CDH7: variants seen among roughly 807,000 people sequenced by gnomAD.
CDH7 encodes cadherin-7.
CDH7 carries 25 observed loss-of-function variants against 71.8 expected under a neutral mutation model. That is an observed-to-expected ratio of 0.35 (90% confidence interval 0.25 to 0.49). The LOEUF (loss-of-function observed/expected upper bound fraction) is 0.49. Among genes scored for constraint, CDH7 ranks in the 20% least tolerant of loss-of-function variants. The pLI, the probability that CDH7 is intolerant of heterozygous loss-of-function variation, is 0.99. For missense variants in CDH7, 862 were observed against 974.6 expected, an observed-to-expected ratio of 0.88 and a Z score of 1.54; for synonymous variants, 381 against 363.8, an observed-to-expected ratio of 1.05 and a Z score of -0.54.
chr18:65,822,243 C>T lies in CDH7; in HGVS notation c.788C>T (p.Pro263Leu). 6.2e-7 allele frequency: 1 copy of T among 1,606,114 alleles called. No homozygotes were observed. The highest frequency in any genetic ancestry group is 2.2e-5 in the East Asian group (1 of 44,658). Reference protein sequence around the residue: ...TDVNDNPPRFPRRSYQYNVPE... With the variant: ...TDVNDNPPRFLRRSYQYNVPE... ...GTCAACGATAATCCACCTCGCTTTCCTCGAAGTAAGTTGTTTTCTTAAGTG... is the reference window on the plus strand; with the variant it reads ...GTCAACGATAATCCACCTCGCTTTCTTCGAAGTAAGTTGTTTTCTTAAGTG... The change falls in exon 5 of 12, where the codon CCT (proline) becomes CTT (leucine). Residue 263 changes from proline to leucine, a missense_variant. By Grantham distance (98) the Pro-to-Leu change is moderately conservative. Coordinates refer to ENST00000397968, the MANE Select transcript of CDH7 (RefSeq NM_004361.5).
Position 65,762,945 on chromosome 18 carries a change from A to G in CDH7, c.103A>G (p.Lys35Glu), listed in dbSNP as rs1439070103. The change falls in exon 2 of 12, where the codon AAG becomes GAG. Residue 35 changes from lysine to glutamate, a missense_variant. Lys to Glu is a moderately conservative substitution (Grantham distance 56). Transcript: ENST00000397968. ...AGCAGAACTCTCAAGGTCCAGATCA[A>G]AGCCCTATTTCCAATCAGGGAGGTC... is the stretch of plus-strand genomic sequence containing the variant. ...SQAELSRSRS[K>E]PYFQSGRSRT... is the part of the protein sequence containing the mutation. The G allele has an allele frequency of 6.2e-7, 1 of 1,613,620 alleles. No homozygotes were observed. Among genetic ancestry groups the G allele is most frequent in the Admixed American group, 1.7e-5 (1 of 59,978 alleles).
chr18:65,771,024 T>G (rs192206526), intron 2 of CDH7, among the ~76,000 whole-genome samples: 2 of 152,328 alleles, frequency 1.3e-5, no homozygotes, highest in East Asian at 3.9e-4. Context: ...CAGCACAGCC[T>G]TCTCCATGTC....
intron 2 of CDH7, among the ~76,000 whole-genome samples, chr18:65,767,675 G>T (rs1411481554): frequency 1.3e-5 from 2 of 152,084 alleles, no homozygotes; most frequent in African/African-American, 2.4e-5. Flanking sequence ...AAAGGCATTT[G>T]TTCTCTGTCA....
chr18:65,785,763 G>C (rs1910490899), intron 2 of CDH7, among the ~76,000 whole-genome samples: 1 of 152,030 alleles, frequency 6.6e-6, no homozygotes, highest in South Asian at 2.1e-4. Context: ...CAAATAAAAA[G>C]CATGAAAATT....
intron 10 of CDH7, 110 bp downstream of exon 10, chr18:65,859,935 A>G (rs1913505165): frequency 6.0e-6 from 4 of 665,146 alleles, no homozygotes; most frequent in Middle Eastern, 4.0e-4. Flanking sequence ...CAAGGACAAT[A>G]ATTAAAGGGC....
chr18:65,761,798 A>G lies in CDH7; in HGVS notation c.-196-849A>G, dbSNP rs538189930. ...GACATTAGAATAAAAGGGCTTTTCCATGCTTCTGCTAAAGCACCTCCTGGA... is the reference window on the plus strand; with the variant it reads ...GACATTAGAATAAAAGGGCTTTTCCGTGCTTCTGCTAAAGCACCTCCTGGA... On this transcript the variant is annotated intron_variant, in intron 1 of 11. Coordinates refer to ENST00000397968, the MANE Select transcript of CDH7 (RefSeq NM_004361.5). Among the ~76,000 whole-genome samples the G allele has an allele frequency of 4.6e-5, 7 of 152,302 alleles. No individual in the cohort carries two copies. In the South Asian group the frequency reaches 1.4e-3, roughly 32 times the overall value.
intron 2 of CDH7, among the ~76,000 whole-genome samples, chr18:65,806,940 C>T (rs1325389873): frequency 6.6e-6 from 1 of 152,152 alleles, no homozygotes. Context: ...ACCACAGATG[C>T]TTACAGTAAC....
chr18:65,862,201 A>G (rs1245189788), intron 10 of CDH7, among the ~76,000 whole-genome samples: 2 of 152,146 alleles, frequency 1.3e-5, no homozygotes, highest in Non-Finnish European at 1.5e-5. Context: ...AAGCTAAAGT[A>G]GCTGATTTTA....
intron 7 of CDH7, among the ~76,000 whole-genome samples, chr18:65,846,377 T>A (rs1471385196): frequency 6.6e-6 from 1 of 152,140 alleles, no homozygotes; most frequent in East Asian, 1.9e-4. Context: ...GGTTCAGGTT[T>A]CTATTAGCTT....
rs973346572 is a variant in CDH7, at chr18:65,763,056, G to A, written c.210+4G>A. 93 of 1,597,426 alleles carry A rather than the reference G, an allele frequency of 5.8e-5. No individual in the cohort carries two copies. Among genetic ancestry groups the A allele is most frequent in the Non-Finnish European group, 7.1e-5 (83 of 1,167,556 alleles). ...AGACCCCCTCTATGTAGGAAAGGTA[G>A]GGTATTGTGACCTTTCAAAGTTGTA... On this transcript the variant is annotated splice_donor_region_variant and intron_variant, in intron 2 of 11. Coordinates refer to ENST00000397968, the MANE Select transcript of CDH7 (RefSeq NM_004361.5).
At chr18:65,810,090 A>C in intron 3 of CDH7, 92 bp downstream of exon 3, 4 of 1,144,898 alleles carry the variant, frequency 3.5e-6, no homozygotes, top group Middle Eastern at 2.1e-4. Flanking sequence ...TGAAAAAAAA[A>C]AAAACCTTAC....
chr18:65,799,490 A>AC (rs1911038266), intron 2 of CDH7, among the ~76,000 whole-genome samples: 1 of 152,090 alleles, frequency 6.6e-6, no homozygotes, highest in South Asian at 2.1e-4. Context: ...ATCCTGGCTA[A>AC]AGAGGTGAAA....
At chr18:65,826,255 A>G (rs117278498) in intron 6 of CDH7, among the ~76,000 whole-genome samples, 2,017 of 151,512 alleles carry the variant, frequency 0.013, 19 homozygotes, top group Non-Finnish European at 0.021. Flanking sequence ...AACAATAGAA[A>G]AACATCACAA....
At chr18:65,757,696 C>T (rs756288775) in intron 1 of CDH7, among the ~76,000 whole-genome samples, 6 of 152,026 alleles carry the variant, frequency 3.9e-5, no homozygotes, top group Non-Finnish European at 8.8e-5. Flanking sequence ...TCAGATATAA[C>T]CTGTTCTTGT....
intron 2 of CDH7, among the ~76,000 whole-genome samples, chr18:65,764,935 A>T (rs1272153127): frequency 1.3e-5 from 2 of 152,056 alleles, no homozygotes; most frequent in Non-Finnish European, 2.9e-5. Flanking sequence ...TCCCTATGTT[A>T]CTTAAATTCC....
intron 6 of CDH7, among the ~76,000 whole-genome samples, chr18:65,829,319 C>A (rs572422052): frequency 1.2e-3 from 176 of 152,012 alleles, no homozygotes; most frequent in Non-Finnish European, 2.0e-3. Context: ...GGGGTTTCAC[C>A]GTGTTAGCCA....
At chr18:65,800,136 G>C (rs764756189) in intron 2 of CDH7, among the ~76,000 whole-genome samples, 1 of 152,114 alleles carries the variant, frequency 6.6e-6, no homozygotes. Context: ...CTGGAGTGAA[G>C]TGGTGTGATC....
intron 2 of CDH7, among the ~76,000 whole-genome samples, chr18:65,781,912 CTT>C (rs1313192878): frequency 4.6e-5 from 5 of 108,866 alleles, no homozygotes; most frequent in Non-Finnish European, 7.2e-5. Context: ...ATCTTTCTCT[CTT>C]TCTCTCTTTC....
rs182315981 is a variant in CDH7 at position 65,800,102 on chromosome 18, C to T, written c.211-9602C>T. Among the ~76,000 whole-genome samples, 25 of 152,060 alleles carry T rather than the reference C, an allele frequency of 1.6e-4. No individual in the cohort carries two copies. The East Asian group carries it at 4.1e-3, about 25-fold the overall frequency. ...CTTTTTACTTTTTATTTTTTTGAGA[C>T]GAAGTCTTATTCTGTCGCCCAGGCT... On this transcript the variant is annotated intron_variant, in intron 2 of 11. Coordinates refer to ENST00000397968, the MANE Select transcript of CDH7 (RefSeq NM_004361.5).
Sources: allele counts gnomAD v4.1 joint callset (sites outside exome capture counted in the v4.1 genomes callset), GRCh38; gene constraint gnomAD v4.1.1; transcripts MANE v1.5; gene names NCBI Gene and HGNC (gene_info 2026-07-23, HGNC 2026-07-21).